The following NSUN4 variants were observed in gnomAD, a reference collection of about 807,000 sequenced individuals.
NSUN4 encodes NOP2/Sun RNA methyltransferase 4.
A neutral mutation model predicts 43.8 loss-of-function variants in NSUN4; 31 were observed. The ratio of observed to expected loss-of-function variants is 0.71; its 90% CI spans 0.53 to 0.96. The LOEUF (loss-of-function observed/expected upper bound fraction) is 0.96. Among genes scored for constraint, NSUN4 ranks in the 40% least tolerant of loss-of-function variants. The pLI is 0.00. For missense variants in NSUN4, 439 were observed against 475.6 expected (o/e 0.92, Z 0.72); for synonymous variants, 167 against 184.1 (o/e 0.91, Z 0.75).
downstream of NSUN4, among the ~76,000 whole-genome samples, chr1:46,369,027 C>T (rs1664196795): frequency 6.6e-6 from 1 of 152,160 alleles, no homozygotes; most frequent in East Asian, 1.9e-4. Context: ...TTTGTCTATC[C>T]ATGCATAGCA....
At chr1:46,372,964 G>A in the NSUN4 span, among the ~76,000 whole-genome samples, 2 of 151,856 alleles carry the variant, frequency 1.3e-5, no homozygotes, top group African/African-American at 2.4e-5. Context: ...CAAGTGATCC[G>A]CCTGCCTCGG....
chr1:46,350,121 A>G (rs1190993370), intron 3 of NSUN4, among the ~76,000 whole-genome samples: 3 of 152,232 alleles, frequency 2.0e-5, no homozygotes, highest in African/African-American at 4.8e-5. Flanking sequence ...AAATAATACA[A>G]GAATTGGAGG....
intron 1 of NSUN4, chr1:46,343,705 G>C: frequency 2.5e-6 from 1 of 400,720 alleles, no homozygotes. Flanking sequence ...CAAAACACAA[G>C]TCAGGGCCAG....
At chr1:46,348,980 A>G (rs1057239111) in intron 3 of NSUN4, among the ~76,000 whole-genome samples, 4 of 151,278 alleles carry the variant, frequency 2.6e-5, no homozygotes, top group Non-Finnish European at 5.9e-5. Context: ...ACACCCGGAT[A>G]ATTTTTGTAT....
At chr1:46,348,172 G>A (rs867556543) in intron 3 of NSUN4, among the ~76,000 whole-genome samples, 3 of 152,178 alleles carry the variant, frequency 2.0e-5, no homozygotes, top group African/African-American at 7.2e-5. Context: ...GAGCCACCGC[G>A]CCCGGCCCCT....
intron 2 of NSUN4, among the ~76,000 whole-genome samples, chr1:46,346,425 G>A (rs1180342079): frequency 1.3e-5 from 2 of 151,886 alleles, no homozygotes; most frequent in East Asian, 1.9e-4. Flanking sequence ...GGTGGCACAA[G>A]CCTGTAATCC....
chr1:46,352,792 G>T (rs1238474989), intron 3 of NSUN4, 76 bp from the exon 4 acceptor site: 1 of 1,442,352 alleles, frequency 6.9e-7, no homozygotes, highest in Admixed American at 1.7e-5. Context: ...CTGAGAATTG[G>T]TCTGACTCCA....
chr1:46,360,249 A>AAAAAAAAAAAAAATATATAT (rs1553177947), intron 4 of NSUN4, among the ~76,000 whole-genome samples: 6 of 25,766 alleles, frequency 2.3e-4, no homozygotes, highest in Non-Finnish European at 2.9e-4. Flanking sequence ...AAAAAAAAAA[A>AAAAAAAAAAAAAATATATAT]ATATATATAT....
At chr1:46,366,704 C>CAAAAAAAAAAAAA (rs34437222), downstream of NSUN4, among the ~76,000 whole-genome samples, 54 of 59,262 alleles carry the variant, frequency 9.1e-4, no homozygotes, top group Admixed American at 1.2e-3. Flanking sequence ...ACTAAAAATA[C>CAAAAAAAAAAAAA]AAAAAAAAAA....
At position 46,361,767 on chromosome 1, in the gene NSUN4, A is replaced by G. The variant is rs1265563653; in HGVS notation, c.1076A>G (p.Gln359Arg). The change falls in exon 6 of 6, where the codon CAG becomes CGG. Residue 359 changes from glutamine to arginine, a missense_variant. Coordinates refer to ENST00000474844, the MANE Select transcript of NSUN4 (RefSeq NM_199044.4). ...ACATTTTGTTTCTTCTCATCCTGTC[A>G]GGTTGGGGAGCTGGTAATACCAAAC... ...MDTFCFFSSC[Q>R]VGELVIPNLM... The G allele has an allele frequency of 2.5e-6, 4 of 1,614,070 alleles. No individual in the cohort carries two copies. In the African/African-American group the frequency reaches 5.3e-5, roughly 22 times the overall value.
intron 3 of NSUN4, among the ~76,000 whole-genome samples, chr1:46,349,498 A>G (rs1299388512): frequency 6.6e-6 from 1 of 152,154 alleles, no homozygotes; most frequent in Non-Finnish European, 1.5e-5. Flanking sequence ...CTGCCTTAAA[A>G]TAGATAGTTT....
chr1:46,375,929 A>T, the NSUN4 span, among the ~76,000 whole-genome samples: 2 of 151,212 alleles, frequency 1.3e-5, no homozygotes, highest in Non-Finnish European at 2.9e-5. Flanking sequence ...GAACATGGAG[A>T]AACCCTGTCT....
At chr1:46,372,458 A>G in the NSUN4 span, among the ~76,000 whole-genome samples, 2 of 151,948 alleles carry the variant, frequency 1.3e-5, no homozygotes, top group South Asian at 4.2e-4. Flanking sequence ...TTTACTATTT[A>G]CATGGCCAGG....
Position 46,360,773 on chromosome 1 carries a change from C to A in NSUN4, c.823C>A (p.Arg275=). Residue 275 remains arginine, a synonymous_variant, in exon 5 of 6, where the codon CGG becomes AGG. Coordinates refer to ENST00000474844, the MANE Select transcript of NSUN4 (RefSeq NM_199044.4). The stretch of plus-strand genomic sequence containing the variant: ...TGAGGAGGAGAACAACATCTTTAAG[C>A]GGTCAAGGAAGAAGGAGCGACAGAT... The part of the protein sequence containing the change: ...LHEEENNIFK[R]SRKKERQILP... The A allele has an allele frequency of 6.2e-7, 1 of 1,613,922 alleles. No homozygotes were observed. Among genetic ancestry groups the A allele is most frequent in the South Asian group, 1.1e-5 (1 of 91,078 alleles).
At chr1:46,384,046 G>A in the NSUN4 span, among the ~76,000 whole-genome samples, 7 of 152,232 alleles carry the variant, frequency 4.6e-5, no homozygotes, top group Non-Finnish European at 7.4e-5. Context: ...GTGGTTTGGC[G>A]GGAAAAATGG....
At chr1:46,356,438 T>A (rs981049163) in intron 4 of NSUN4, among the ~76,000 whole-genome samples, 25 of 152,198 alleles carry the variant, frequency 1.6e-4, no homozygotes, top group African/African-American at 4.6e-4. Flanking sequence ...CACGCCTGTA[T>A]TCCCAGCACT....
At position 46,363,472 on chromosome 1, in the gene NSUN4, C is replaced by A. The variant is rs904806445; in HGVS notation, c.*1626C>A. On this transcript the variant is annotated 3_prime_UTR_variant, in exon 6 of 6. Coordinates refer to ENST00000474844, the MANE Select transcript of NSUN4 (RefSeq NM_199044.4). ...AGTGGTAATTCAAAATGAGAGGGTC[C>A]CCTGCCTCTAGAGTCATCATCTAAT... The A allele has an allele frequency of 6.6e-6, 1 of 152,126 alleles. No homozygotes were observed. Among genetic ancestry groups the A allele is most frequent in the Non-Finnish European group, 1.5e-5 (1 of 68,020 alleles). 9.4% of individuals were successfully genotyped at this position (152,126 alleles called of 1,614,324 possible).
downstream of NSUN4, among the ~76,000 whole-genome samples, chr1:46,368,254 TGATC>T (rs1327591908): frequency 6.6e-6 from 1 of 152,184 alleles, no homozygotes; most frequent in Non-Finnish European, 1.5e-5. Context: ...ATCTGTTGTG[TGATC>T]GCCGATCACA....
chr1:46,357,658 G>A (rs1320746055), intron 4 of NSUN4, among the ~76,000 whole-genome samples: 2 of 152,116 alleles, frequency 1.3e-5, no homozygotes, highest in African/African-American at 2.4e-5. Context: ...CACTGAGAAG[G>A]AGTAAGGAAA....
Sources: allele counts gnomAD v4.1 joint callset (sites outside exome capture counted in the v4.1 genomes callset), GRCh38; gene constraint gnomAD v4.1.1; transcripts MANE v1.5; gene names NCBI Gene and HGNC (gene_info 2026-07-23, HGNC 2026-07-21).